FERMT2: variants seen among roughly 807,000 people sequenced by gnomAD.
The protein encoded by FERMT2 is fermitin family homolog 2.
Under a neutral mutation model 82.7 loss-of-function variants are expected in FERMT2, and 15 were observed. The ratio of observed to expected loss-of-function variants is 0.18; its 90% CI spans 0.12 to 0.28. FERMT2 has a LOEUF of 0.28. Among genes scored for constraint, FERMT2 ranks in the 10% least tolerant of loss-of-function variants. The pLI is 1.00. For synonymous variants in FERMT2, 274 were observed against 271.5 expected, an observed-to-expected ratio of 1.01 and a Z score of -0.09; for missense variants, 645 against 809.4, an observed-to-expected ratio of 0.80 and a Z score of 2.46.
intron 2 of FERMT2, among the ~76,000 whole-genome samples, chr14:52,948,943 C>A (rs1327042679): frequency 6.6e-6 from 1 of 152,056 alleles, no homozygotes; most frequent in Non-Finnish European, 1.5e-5. Context: ...TGCTATTTTC[C>A]TTCTTAAATA....
At chr14:52,897,890 CG>C in intron 3 of FERMT2, among the ~76,000 whole-genome samples, 1 of 148,086 alleles carries the variant, frequency 6.8e-6, no homozygotes, top group African/African-American at 2.5e-5. Flanking sequence ...GCAGGGGAAT[CG>C]CTTGAACCCA....
intron 12 of FERMT2, chr14:52,863,719 A>T (rs1046676486): frequency 1.3e-5 from 2 of 152,238 alleles, no homozygotes; most frequent in African/African-American, 4.8e-5. Context: ...CACGGCTAAA[A>T]ATGTACTCTT....
chr14:52,867,596 C>G (rs1016368451), intron 10 of FERMT2, among the ~76,000 whole-genome samples: 4 of 152,094 alleles, frequency 2.6e-5, no homozygotes, highest in African/African-American at 9.7e-5. Flanking sequence ...ATTGCAATGG[C>G]TGCACTTACC....
rs1452269867 is a variant in FERMT2, at chr14:52,878,613, T to C, written c.932A>G (p.Glu311Gly). Residue 311 changes from glutamate (E) to glycine (G), a missense_variant, in exon 7 of 15, where the codon GAA (glutamate) becomes GGA (glycine). Physicochemically the swap from Glu to Gly is moderately conservative, Grantham distance 98. Coordinates refer to ENST00000341590, the MANE Select transcript of FERMT2 (RefSeq NM_006832.3). ...AILLEEIECT[E>G]EEMMMFAALQ... The stretch of plus-strand genomic sequence containing the variant: ...GGCTGCAAACATCATCATTTCTTCT[T>C]CTGTGCATTCAATCTCTTCCAGGAG... 6.2e-7 allele frequency: 1 copy of C among 1,611,048 alleles called. No homozygotes were observed. Among genetic ancestry groups the C allele is most frequent in the East Asian group, 2.2e-5 (1 of 44,742 alleles).
At chr14:52,914,891 G>T (rs1468034186) in intron 3 of FERMT2, among the ~76,000 whole-genome samples, 2 of 152,108 alleles carry the variant, frequency 1.3e-5, no homozygotes, top group African/African-American at 4.8e-5. Context: ...CTGAACTCCA[G>T]ACTGGGTGAC....
At chr14:52,942,390 C>A (rs1049254331) in intron 2 of FERMT2, among the ~76,000 whole-genome samples, 3 of 151,556 alleles carry the variant, frequency 2.0e-5, no homozygotes, top group East Asian at 1.9e-4. Context: ...GCAAGCTCCC[C>A]CTTCTGGGTT....
chr14:52,911,693 C>T (rs912577768), intron 3 of FERMT2, among the ~76,000 whole-genome samples: 1 of 151,358 alleles, frequency 6.6e-6, no homozygotes, highest in Non-Finnish European at 1.5e-5. Context: ...CCAGAGTTTG[C>T]CAACACAGTT....
intron 3 of FERMT2, among the ~76,000 whole-genome samples, chr14:52,916,594 A>G (rs1373935558): frequency 1.3e-5 from 2 of 152,202 alleles, no homozygotes; most frequent in African/African-American, 4.8e-5. Context: ...TATTCTGTAC[A>G]ATACCACAAC....
intron 3 of FERMT2, among the ~76,000 whole-genome samples, chr14:52,900,298 G>T (rs1384111269): frequency 6.6e-6 from 1 of 151,918 alleles, no homozygotes; most frequent in Non-Finnish European, 1.5e-5. Context: ...GAAATTTAAT[G>T]TTCATTATAA....
intron 2 of FERMT2, chr14:52,948,511 G>C (rs906029403): frequency 2.2e-6 from 1 of 447,128 alleles, no homozygotes; most frequent in East Asian, 7.0e-5. Flanking sequence ...GAATCAGTAT[G>C]AATTCAGTTC....
At chr14:52,890,892 C>G (rs906804904) in intron 4 of FERMT2, among the ~76,000 whole-genome samples, 1 of 152,146 alleles carries the variant, frequency 6.6e-6, no homozygotes. Flanking sequence ...GCGTAAGCCA[C>G]CCGCGCCTGG....
At chr14:52,864,305 G>A in intron 12 of FERMT2, 96 bp downstream of exon 12, 5 of 777,190 alleles carry the variant, frequency 6.4e-6, no homozygotes, top group Non-Finnish European at 1.1e-5. Context: ...ACAAAATTAA[G>A]ACTAAAAAGT....
At chr14:52,860,551 G>T in intron 12 of FERMT2, 86 bp from the exon 13 acceptor site, 5 of 1,191,534 alleles carry the variant, frequency 4.2e-6, no homozygotes, top group Non-Finnish European at 5.9e-6. Flanking sequence ...ATTGAATTAC[G>T]CACCCCGTAC....
chr14:52,923,627 C>T (rs1314298838), intron 2 of FERMT2, among the ~76,000 whole-genome samples: 2 of 151,752 alleles, frequency 1.3e-5, no homozygotes, highest in African/African-American at 2.4e-5. Context: ...GAGCTATCAA[C>T]CTGCACCCAC....
At chr14:52,860,317 A>C (rs202005528) in intron 13 of FERMT2, 24 bp downstream of exon 13, 2 of 1,610,834 alleles carry the variant, frequency 1.2e-6, no homozygotes, top group African/African-American at 1.3e-5. Context: ...TAAGGTTTAC[A>C]CATAGATGCT....
At chr14:52,876,889 C>G (rs1885988992) in intron 7 of FERMT2, among the ~76,000 whole-genome samples, 1 of 152,098 alleles carries the variant, frequency 6.6e-6, no homozygotes, top group Non-Finnish European at 1.5e-5. Flanking sequence ...GAGAAAGCCT[C>G]CAACAACTCA....
At chr14:52,886,319 A>G (rs1287647880) in intron 4 of FERMT2, among the ~76,000 whole-genome samples, 1 of 151,974 alleles carries the variant, frequency 6.6e-6, no homozygotes, top group African/African-American at 2.4e-5. Flanking sequence ...GATATAATGT[A>G]TAGATATATA....
intron 3 of FERMT2, among the ~76,000 whole-genome samples, chr14:52,900,621 A>G (rs1248670256): frequency 6.6e-6 from 1 of 152,166 alleles, no homozygotes; most frequent in Non-Finnish European, 1.5e-5. Flanking sequence ...AACTTTGTAA[A>G]CTGGAGAAAT....
chr14:52,932,969 T>A (rs1038032611), intron 2 of FERMT2, among the ~76,000 whole-genome samples: 1 of 152,136 alleles, frequency 6.6e-6, no homozygotes, highest in Non-Finnish European at 1.5e-5. Context: ...CTGAATCTTA[T>A]TCTCTCATAT....
Sources: allele counts gnomAD v4.1 joint callset (sites outside exome capture counted in the v4.1 genomes callset), GRCh38; gene constraint gnomAD v4.1.1; transcripts MANE v1.5; gene names NCBI Gene and HGNC (gene_info 2026-07-23, HGNC 2026-07-21).